Variants in LAMB3 observed in about 807,000 individuals in gnomAD.
LAMB3 encodes the protein laminin subunit beta 3, also known as laminin subunit beta-3.
LAMB3 carries 104 observed loss-of-function variants against 140.3 expected under a neutral mutation model. The observed-to-expected ratio is 0.74, with a 90% CI of 0.63 to 0.87. The LOEUF is 0.87. Among genes scored for constraint, LAMB3 ranks in the 40% least tolerant of loss-of-function variants. The pLI is 0.00. For synonymous variants in LAMB3, 592 were observed against 602.9 expected (o/e 0.98, Z 0.26); for missense variants, 1,531 against 1,575.2 (o/e 0.97, Z 0.47).
rs761256531 is a variant in LAMB3, at chr1:209,627,605, A to G, written c.1289-26T>C. 1.1e-5 allele frequency: 17 copies of G among 1,609,012 alleles called. No homozygotes were observed. In the Middle Eastern group the frequency reaches 2.1e-3, roughly 203 times the overall value. The stretch of plus-strand genomic sequence containing the variant: ...CTGCAGGAGGAGAGCTGCTGAGCTC[A>G]GGCAGACGCTCCATGAAAAACTCAC... On this transcript the variant is annotated intron_variant, in intron 11 of 22. Transcript: ENST00000356082.
intron 10 of LAMB3, among the ~76,000 whole-genome samples, chr1:209,629,360 C>T (rs1434885928): frequency 6.6e-6 from 1 of 152,200 alleles, no homozygotes; most frequent in African/African-American, 2.4e-5. Flanking sequence ...AACCTCATTA[C>T]AACATGGTAA....
At position 209,616,574 on chromosome 1, in the gene LAMB3, A is replaced by AC; in HGVS notation, c.3278dup (p.Gln1094SerfsTer7). On this transcript the variant is annotated frameshift_variant, in exon 22 of 23. Transcript: ENST00000356082. LOFTEE classifies it high-confidence loss of function. ...CCTGCTCACCCAGCATGGAACTCTG[A>AC]CCCAACCGGTCCTTCAACTCAGCAT... 6.2e-7 allele frequency: 1 copy of AC among 1,614,048 alleles called. No individual in the cohort carries two copies. Among genetic ancestry groups the AC allele is most frequent in the Non-Finnish European group, 8.5e-7 (1 of 1,179,964 alleles).
In LAMB3 at chr1:209,623,223, C is replaced by T; in HGVS notation, c.2359-44G>A. 3 of 1,595,324 alleles carry T rather than the reference C, an allele frequency of 1.9e-6. No homozygotes were observed. Among genetic ancestry groups the T allele is most frequent in the Non-Finnish European group, 2.6e-6 (3 of 1,164,668 alleles). The stretch of plus-strand genomic sequence containing the variant: ...GTTAAAGAGGCTACCCAAAGCCCCT[C>T]AATAACCAATCCCACCCCACACCTG... On this transcript the variant is annotated intron_variant, in intron 16 of 22. Transcript: ENST00000356082. The surrounding 1 kb of genome is among the most constrained non-coding windows in gnomAD (Gnocchi z 4.2).
At chr1:209,641,435 A>G (rs2076468434) in intron 3 of LAMB3, among the ~76,000 whole-genome samples, 1 of 152,212 alleles carries the variant, frequency 6.6e-6, no homozygotes, top group Non-Finnish European at 1.5e-5. Context: ...AAGAGGCAAC[A>G]TGACTTTGCT....
chr1:209,623,062 C>T lies in LAMB3; in HGVS notation c.2476G>A (p.Gly826Ser), dbSNP rs763401881. Residue 826 changes from glycine (G) to serine (S), a missense_variant, in exon 17 of 23, where the codon GGT (glycine) becomes AGT (serine). Coordinates refer to ENST00000356082, the MANE Select transcript of LAMB3 (RefSeq NM_000228.3). This position sits in a 1 kb window ranked among gnomAD's most constrained non-coding sequence, Gnocchi z 4.2. ...TGCCCCGCCATCAAGAAGGCCCCAC[C>T]GGCCCTGGGAAGGACACCCCTGCAG... ...SRCRGVLPRA[G>S]GAFLMAGQVA... 27 of 1,614,080 alleles carry T rather than the reference C, an allele frequency of 1.7e-5. No homozygotes were observed. Among genetic ancestry groups the T allele is most frequent in the South Asian group, 1.3e-4 (12 of 91,088 alleles).
intron 3 of LAMB3, among the ~76,000 whole-genome samples, chr1:209,644,007 A>T (rs1247771418): frequency 6.6e-6 from 1 of 152,242 alleles, no homozygotes; most frequent in African/African-American, 2.4e-5. Flanking sequence ...AAGCAAGAGA[A>T]AAACAAGACA....
At chr1:209,634,917 T>TTCTCTCTCTCTCTCTCTCTC (rs59855467) in intron 5 of LAMB3, among the ~76,000 whole-genome samples, 1 of 136,142 alleles carries the variant, frequency 7.3e-6, no homozygotes, top group African/African-American at 2.9e-5. Flanking sequence ...CCATTTTTTA[T>TTCTCTCTCTCTCTCTCTCTC]TCTCTCTCTC....
At position 209,615,221 on chromosome 1, in the gene LAMB3, C is replaced by T. The variant is rs1558145156; in HGVS notation, c.*50G>A. 5 of 1,613,010 alleles carry T rather than the reference C, an allele frequency of 3.1e-6. No homozygotes were observed. Among genetic ancestry groups the T allele is most frequent in the Non-Finnish European group, 4.2e-6 (5 of 1,179,838 alleles). ...CATTCCAACCCAATCTGCCCCCAAC[C>T]AAAAGCAAAGGCGGCAGATGAGTGG... is the stretch of plus-strand genomic sequence containing the variant. On this transcript the variant is annotated 3_prime_UTR_variant, in exon 23 of 23. Coordinates refer to ENST00000356082, the MANE Select transcript of LAMB3 (RefSeq NM_000228.3).
At chr1:209,618,361 G>A (rs1266715416) in intron 19 of LAMB3, 91 bp downstream of exon 19, 16 of 1,300,310 alleles carry the variant, frequency 1.2e-5, no homozygotes, top group Non-Finnish European at 1.6e-5. Context: ...CTGTCTCCCA[G>A]CCCTCTGTAC....
In LAMB3 at chr1:209,618,033, T is replaced by C. The variant is rs1294008855; in HGVS notation, c.2925A>G (p.Ala975=). 6.2e-7 allele frequency: 1 copy of C among 1,614,008 alleles called. No individual in the cohort carries two copies. The highest frequency in any genetic ancestry group is 8.5e-7 in the Non-Finnish European group (1 of 1,180,038). The change falls in exon 20 of 23, where the codon GCA becomes GCG. Residue 975 remains alanine (A), a synonymous_variant. Transcript: ENST00000356082. The part of the protein sequence containing the change: ...EAEEARSRAH[A]VEGQVEDVVG... ...CCACATCTTCCACCTGGCCCTCCAC[T>C]GCATGGGCTCGGCTCCTGGGTGAGA... is the stretch of plus-strand genomic sequence containing the variant.
intron 9 of LAMB3, 79 bp from the exon 10 acceptor site, chr1:209,630,004 G>A: frequency 3.6e-6 from 5 of 1,383,578 alleles, no homozygotes; most frequent in Admixed American, 1.8e-5. Flanking sequence ...AAAGCTCACT[G>A]GCATCTGTAA....
Position 209,652,041 on chromosome 1 carries a change from T to C in LAMB3, c.-38+328A>G, listed in dbSNP as rs10863778. 0.84 allele frequency among the ~76,000 whole-genome samples: 128,398 copies of C among 152,022 alleles called. 54,338 individuals are homozygous for C. Among genetic ancestry groups the C allele is most frequent in the Middle Eastern group, 0.88 (260 of 294 alleles). On this transcript the variant is annotated intron_variant, in intron 1 of 22. Transcript: ENST00000356082. ...GATGGCCTAAGAGAGACCCATCTTC[T>C]GACTTTCATCCAGTGCTTTCTCAGC...
In LAMB3 at chr1:209,629,928, G is replaced by A. The variant is rs754931229; in HGVS notation, c.944-3C>T. The A allele has an allele frequency of 3.1e-6, 5 of 1,613,676 alleles. No individual in the cohort carries two copies. In the South Asian group the frequency reaches 3.3e-5, roughly 11 times the overall value. ...TGAGTGCCCATTGCAGTCGCACCCT[G>A]GAAAAAGAGAGTCCCAGGGCTGACA... On this transcript the variant is annotated splice_polypyrimidine_tract_variant and splice_region_variant and intron_variant, in intron 9 of 22. Coordinates refer to ENST00000356082, the MANE Select transcript of LAMB3 (RefSeq NM_000228.3).
chr1:209,618,034 G>A lies in LAMB3; in HGVS notation c.2924C>T (p.Ala975Val), dbSNP rs1338588674. 6.2e-7 allele frequency: 1 copy of A among 1,614,134 alleles called. No individual in the cohort carries two copies. The highest frequency in any genetic ancestry group is 8.5e-7 in the Non-Finnish European group (1 of 1,180,028). ...EAEEARSRAH[A>V]VEGQVEDVVG... ...CACATCTTCCACCTGGCCCTCCACT[G>A]CATGGGCTCGGCTCCTGGGTGAGAG... The change falls in exon 20 of 23, where the codon GCA becomes GTA. Residue 975 changes from alanine to valine, a missense_variant. Ala to Val is a moderately conservative substitution (Grantham distance 64). Transcript: ENST00000356082.
intron 18 of LAMB3, 102 bp downstream of exon 18, chr1:209,622,434 G>T: frequency 7.1e-7 from 1 of 1,403,278 alleles, no homozygotes; most frequent in Non-Finnish European, 1.0e-6. Flanking sequence ...GATGTTGCAG[G>T]CCTGGGACTA....
At chr1:209,626,511 C>G (rs1666461660) in intron 13 of LAMB3, among the ~76,000 whole-genome samples, 1 of 152,254 alleles carries the variant, frequency 6.6e-6, no homozygotes. Context: ...AAACGACACC[C>G]TTTCCCCTTC....
chr1:209,624,041 G>A (rs188791756), intron 14 of LAMB3, 41 bp from the exon 15 acceptor site: 1 of 1,582,402 alleles, frequency 6.3e-7, no homozygotes, highest in African/African-American at 1.3e-5. Context: ...ATAGGAGGGA[G>A]TTTTGCCTCC....
At chr1:209,639,761 C>T (rs55932185) in intron 3 of LAMB3, among the ~76,000 whole-genome samples, 20,060 of 152,190 alleles carry the variant, frequency 0.13, 1,591 homozygotes, top group Non-Finnish European at 0.15. Context: ...GATCCCAAAC[C>T]CTGTGCGCAG....
intron 3 of LAMB3, among the ~76,000 whole-genome samples, chr1:209,640,414 G>C (rs1342217153): frequency 6.6e-6 from 1 of 152,056 alleles, no homozygotes; most frequent in African/African-American, 2.4e-5. Context: ...TGGGCATGGT[G>C]GCAGGTGCCT....
Sources: gnomAD v4.1 joint callset for allele counts (sites outside exome capture counted in the v4.1 genomes callset) on GRCh38, gnomAD v4.1.1 for gene constraint, Gnocchi (gnomAD v3.1) non-coding constraint, MANE v1.5 for transcripts, NCBI Gene and HGNC (gene_info 2026-07-23, HGNC 2026-07-21) for gene names.